GVQW3: variants seen among roughly 807,000 people sequenced by gnomAD.
GVQW3 encodes the protein GVQW motif containing 3, also known as protein GVQW3.
GVQW3 carries 7 observed loss-of-function variants against 12.5 expected under a neutral mutation model. The observed-to-expected ratio is 0.56, with a 90% CI of 0.32 to 1.05. The LOEUF is 1.05. Among genes scored for constraint, GVQW3 ranks in the 50% least tolerant of loss-of-function variants. GVQW3 has a pLI of 0.04. For missense variants in GVQW3, 188 were observed against 190.8 expected (o/e 0.99, Z 0.09); for synonymous variants, 71 against 67.2 (o/e 1.06, Z -0.28).
intron 1 of GVQW3, among the ~76,000 whole-genome samples, chr11:76,400,567 C>G (rs1025749717): frequency 2.0e-5 from 3 of 151,964 alleles, no homozygotes; most frequent in African/African-American, 7.3e-5. Context: ...ATTACAGGCT[C>G]ACACCACCAT....
At position 76,407,541 on chromosome 11, in the gene GVQW3, C is replaced by T. The variant is rs1016830763; in HGVS notation, c.*3783C>T. ...GCAGTGAGCTGAGATCGCACCACTG[C>T]ACTCCAGCCTGGGCGGCAGAGCAAG... is the stretch of plus-strand genomic sequence containing the variant. On this transcript the variant is annotated 3_prime_UTR_variant, in exon 2 of 2. Coordinates refer to ENST00000529331, the MANE Select transcript of GVQW3 (RefSeq NM_001347885.2). 7.3e-6 allele frequency: 1 copy of T among 137,634 alleles called. No homozygotes were observed. Among genetic ancestry groups the T allele is most frequent in the Non-Finnish European group, 1.5e-5 (1 of 65,630 alleles). 8.5% of individuals were successfully genotyped at this position (137,634 alleles called of 1,614,324 possible).
chr11:76,382,400 A>C (rs1946785121), intron 1 of GVQW3, 107 bp downstream of exon 1: 1 of 768,054 alleles, frequency 1.3e-6, no homozygotes, highest in Non-Finnish European at 2.2e-6. Context: ...CAGCTTCTGC[A>C]GGCGTCATCT....
intron 1 of GVQW3, among the ~76,000 whole-genome samples, chr11:76,394,628 T>C (rs565640017): frequency 6.6e-6 from 1 of 152,366 alleles, no homozygotes; most frequent in East Asian, 1.9e-4. Context: ...TCTTGGCTAT[T>C]GTGAATGGTG....
intron 1 of GVQW3, among the ~76,000 whole-genome samples, chr11:76,395,450 G>A (rs1295905704): frequency 2.6e-5 from 4 of 152,142 alleles, no homozygotes; most frequent in African/African-American, 9.7e-5. Context: ...TGGCCATTGG[G>A]TGTTTTTTCA....
rs568206739 is a variant in GVQW3, at chr11:76,391,612, C to T, written c.465+9319C>T. 2.5e-3 allele frequency among the ~76,000 whole-genome samples: 377 copies of T among 152,274 alleles called. 1 individual carries two copies. The highest frequency in any genetic ancestry group is 8.7e-3 in the African/African-American group (362 of 41,564). ...CAGCCAGAAGTCCACTCCTAGAGTT[C>T]GGGTCTGTCATCAGACCCATCTCCT... On this transcript the variant is annotated intron_variant, in intron 1 of 1. Coordinates refer to ENST00000529331, the MANE Select transcript of GVQW3 (RefSeq NM_001347885.2).
intron 1 of GVQW3, chr11:76,392,427 C>T (rs533902727): frequency 6.6e-6 from 1 of 152,336 alleles, no homozygotes; most frequent in South Asian, 2.1e-4. Flanking sequence ...ACAACCCAAA[C>T]TCGATGAGGG....
intron 1 of GVQW3, among the ~76,000 whole-genome samples, chr11:76,399,598 C>T (rs1383181268): frequency 2.6e-5 from 4 of 152,088 alleles, no homozygotes; most frequent in South Asian, 2.1e-4. Flanking sequence ...TTTCTGGATG[C>T]GTTAACATTG....
chr11:76,387,591 T>C (rs1373391699), intron 1 of GVQW3, among the ~76,000 whole-genome samples: 1 of 152,004 alleles, frequency 6.6e-6, no homozygotes, highest in African/African-American at 2.4e-5. Flanking sequence ...ACATTATTAA[T>C]GCCACATTGA....
intron 1 of GVQW3, among the ~76,000 whole-genome samples, chr11:76,390,810 G>A (rs552720202): frequency 1.7e-4 from 25 of 147,752 alleles, no homozygotes; most frequent in Non-Finnish European, 3.1e-4. Flanking sequence ...CTGGGTGACA[G>A]AGCAAGACTC....
intron 1 of GVQW3, among the ~76,000 whole-genome samples, chr11:76,400,108 C>T (rs1252228132): frequency 6.7e-6 from 1 of 149,752 alleles, no homozygotes; most frequent in Non-Finnish European, 1.5e-5. Context: ...TTAAATCTTT[C>T]TTTCTTTTTT....
rs142032069 is a variant in GVQW3, at chr11:76,386,713, ATTAC to A, written c.465+4423_465+4426del. On this transcript the variant is annotated intron_variant, in intron 1 of 1. Coordinates refer to ENST00000529331, the MANE Select transcript of GVQW3 (RefSeq NM_001347885.2). ...TGTGTATGTTACTGTGCATTCTCCA[ATTAC>A]TTCTTCTTCAGTCAGCCCACCCAGA... Among the ~76,000 whole-genome samples, 11 of 152,184 alleles carry A rather than the reference ATTAC, an allele frequency of 7.2e-5. No homozygotes were observed. The East Asian group carries it at 2.1e-3, about 29-fold the overall frequency.
chr11:76,397,247 C>T (rs1946947840), intron 1 of GVQW3, among the ~76,000 whole-genome samples: 1 of 152,132 alleles, frequency 6.6e-6, no homozygotes, highest in Admixed American at 6.5e-5. Flanking sequence ...CATGATCTGC[C>T]CACCTTGGCC....
intron 1 of GVQW3, among the ~76,000 whole-genome samples, chr11:76,391,957 AAAAC>A (rs1946896591): frequency 6.6e-6 from 1 of 152,232 alleles, no homozygotes; most frequent in Non-Finnish European, 1.5e-5. Context: ...CTGTCTCAAA[AAAAC>A]AAACAAAAAA....
chr11:76,388,534 A>C (rs1053981625), intron 1 of GVQW3, among the ~76,000 whole-genome samples: 5 of 152,032 alleles, frequency 3.3e-5, no homozygotes, highest in Admixed American at 3.3e-4. Flanking sequence ...CAGCTGCTGA[A>C]AGATTGCATC....
downstream of GVQW3, among the ~76,000 whole-genome samples, chr11:76,409,887 T>C (rs934554437): frequency 6.6e-6 from 1 of 152,206 alleles, no homozygotes; most frequent in African/African-American, 2.4e-5. Flanking sequence ...GGCCCTGTGC[T>C]GGGTACTTTC....
downstream of GVQW3, chr11:76,411,078 A>G (rs1053922944): frequency 2.0e-5 from 3 of 152,288 alleles, no homozygotes; most frequent in African/African-American, 4.8e-5. Context: ...TGCTCCACAT[A>G]CAGTAGTTCC....
rs1236065904 is a variant in GVQW3 at position 76,403,992 on chromosome 11, T to A, written c.*234T>A. The A allele has an allele frequency of 4.5e-6, 3 of 668,384 alleles. No individual in the cohort carries two copies. Among genetic ancestry groups the A allele is most frequent in the Non-Finnish European group, 8.2e-6 (3 of 363,670 alleles). The allele number at this position is 668,384 out of a possible 1,614,324, so 41.4% of individuals were successfully genotyped here. A position where few individuals can be genotyped will look rare whatever the true frequency, so the allele number is the denominator to read the frequency against. ...CCTCTTCATTACTCGGTCTACCAAT[T>A]CAAATGCTAATCTCTTCCGGAAACA... On this transcript the variant is annotated 3_prime_UTR_variant, in exon 2 of 2. Coordinates refer to ENST00000529331, the MANE Select transcript of GVQW3 (RefSeq NM_001347885.2).
intron 1 of GVQW3, chr11:76,390,245 G>A (rs1318766545): frequency 6.6e-6 from 1 of 152,170 alleles, no homozygotes; most frequent in Non-Finnish European, 1.5e-5. Flanking sequence ...TAAGATCTAA[G>A]TATAAGTCCT....
chr11:76,402,798 T>C (rs1028522901), intron 1 of GVQW3, among the ~76,000 whole-genome samples: 3 of 151,626 alleles, frequency 2.0e-5, no homozygotes, highest in East Asian at 1.9e-4. Context: ...CCAGGCTCAA[T>C]TGATCCTCCA....
Sources: allele counts gnomAD v4.1 joint callset (sites outside exome capture counted in the v4.1 genomes callset), GRCh38; gene constraint gnomAD v4.1.1; transcripts MANE v1.5; gene names NCBI Gene and HGNC (gene_info 2026-07-23, HGNC 2026-07-21).